FABP6: variants seen among roughly 807,000 people sequenced by gnomAD.
FABP6 encodes the protein fatty acid binding protein 6, also known as gastrotropin.
FABP6 carries 13 observed loss-of-function variants against 14.9 expected under a neutral mutation model. That is an observed-to-expected ratio of 0.87 (90% confidence interval 0.57 to 1.39). The LOEUF (loss-of-function observed/expected upper bound fraction) is 1.39, where lower values mean the gene tolerates loss of function less well. FABP6 is among the 40% of genes most tolerant of loss of function. The pLI is 0.00. For missense variants in FABP6, 161 were observed against 167.2 expected, an observed-to-expected ratio of 0.96 and a Z score of 0.20; for synonymous variants, 75 against 63.6, an observed-to-expected ratio of 1.18 and a Z score of -0.85.
rs139662175 is a variant in FABP6 at position 160,237,430 on chromosome 5, C to T, written c.334-1176C>T. Among the ~76,000 whole-genome samples the T allele has an allele frequency of 8.1e-3, 1,233 of 152,200 alleles. 11 individuals carry two copies. The highest frequency in any genetic ancestry group is 0.012 in the Non-Finnish European group (814 of 68,018). ...ACATAAACAAAGTTGCATGACTAGGCCCCGAGAGGAGCTGTCTTGATTGCA... is the reference window on the plus strand; with the variant it reads ...ACATAAACAAAGTTGCATGACTAGGTCCCGAGAGGAGCTGTCTTGATTGCA... On this transcript the variant is annotated intron_variant, in intron 3 of 3. Coordinates refer to ENST00000402432, the MANE Select transcript of FABP6 (RefSeq NM_001445.3).
At chr5:160,229,076 T>G (rs757335567), upstream of FABP6, among the ~76,000 whole-genome samples, 1 of 152,204 alleles carries the variant, frequency 6.6e-6, no homozygotes, top group Non-Finnish European at 1.5e-5. Context: ...TCTGCAGGTG[T>G]GTGCTTGTCT....
chr5:160,208,575 G>A (rs1759818349), intron 2 of FABP6, among the ~76,000 whole-genome samples: 1 of 152,168 alleles, frequency 6.6e-6, no homozygotes, highest in South Asian at 2.1e-4. Context: ...CCTCATTAAT[G>A]AATTAATCCA....
intron 2 of FABP6, among the ~76,000 whole-genome samples, chr5:160,207,107 A>C (rs1322209642): frequency 6.6e-6 from 1 of 152,270 alleles, no homozygotes; most frequent in East Asian, 1.9e-4. Context: ...GCAAAGGCAA[A>C]GAAATGCAAA....
chr5:160,235,488 CTGGAGG>C (rs1760489153), intron 3 of FABP6, among the ~76,000 whole-genome samples: 1 of 152,256 alleles, frequency 6.6e-6, no homozygotes, highest in Non-Finnish European at 1.5e-5. Context: ...TCCTCCTACA[CTGGAGG>C]TGGTGCCCTG....
chr5:160,203,397 C>A (rs1759688659), intron 2 of FABP6, among the ~76,000 whole-genome samples: 1 of 152,182 alleles, frequency 6.6e-6, no homozygotes. Context: ...TGGCCTATTT[C>A]TAAGTTCAGT....
At chr5:160,215,592 G>A (rs1401245739) in intron 3 of FABP6, among the ~76,000 whole-genome samples, 1 of 151,788 alleles carries the variant, frequency 6.6e-6, no homozygotes, top group Non-Finnish European at 1.5e-5. Context: ...GGAGACTGAG[G>A]CAGAAGGATT....
chr5:160,202,726 C>T (rs960613157), intron 2 of FABP6, among the ~76,000 whole-genome samples: 3 of 150,468 alleles, frequency 2.0e-5, no homozygotes, highest in Non-Finnish European at 4.4e-5. Flanking sequence ...ATGGCATGAA[C>T]CTGGGAGGTA....
chr5:160,203,282 A>G (rs949352955), intron 2 of FABP6, among the ~76,000 whole-genome samples: 2 of 152,224 alleles, frequency 1.3e-5, no homozygotes, highest in Middle Eastern at 3.2e-3. Context: ...TTTCAAAGTT[A>G]CATTCCTTGT....
chr5:160,211,928 T>C (rs2113103807), intron 2 of FABP6, among the ~76,000 whole-genome samples: 1 of 151,150 alleles, frequency 6.6e-6, no homozygotes, highest in African/African-American at 2.4e-5. Context: ...GCTGCTTATA[T>C]CTCAGATAGA....
At position 160,236,984 on chromosome 5, in the gene FABP6, AAAT is replaced by A. The variant is rs1379715979; in HGVS notation, c.334-1609_334-1607del. Among the ~76,000 whole-genome samples, 9 of 152,216 alleles carry A rather than the reference AAAT, an allele frequency of 5.9e-5. No individual in the cohort carries two copies. The South Asian group carries it at 1.5e-3, about 25-fold the overall frequency. ...CAAGAGCAAAACTCTGTCTCAAAAAAAATAATAATAATAATCTAAAAACTAATA... is the reference window on the plus strand; with the variant it reads ...CAAGAGCAAAACTCTGTCTCAAAAAAAATAATAATAATCTAAAAACTAATA... On this transcript the variant is annotated intron_variant, in intron 3 of 3. Coordinates refer to ENST00000402432, the MANE Select transcript of FABP6 (RefSeq NM_001445.3).
At chr5:160,205,970 TTTTC>T (rs1488277834) in intron 2 of FABP6, among the ~76,000 whole-genome samples, 1 of 152,160 alleles carries the variant, frequency 6.6e-6, no homozygotes, top group Non-Finnish European at 1.5e-5. Context: ...TTTTCTTTTC[TTTTC>T]TTTCTTTTCT....
chr5:160,230,172 C>T (rs570333518), intron 1 of FABP6, among the ~76,000 whole-genome samples: 2 of 151,662 alleles, frequency 1.3e-5, no homozygotes, highest in Non-Finnish European at 2.9e-5. Context: ...CGTGAGCTGC[C>T]GCACCCAGCA....
intron 1 of FABP6, among the ~76,000 whole-genome samples, chr5:160,195,406 G>A (rs1185308247): frequency 6.6e-6 from 1 of 151,694 alleles, no homozygotes; most frequent in Non-Finnish European, 1.5e-5. Flanking sequence ...TGCTGGACTG[G>A]CCACTGCCTC....
At chr5:160,209,351 AC>A (rs1322311570) in intron 2 of FABP6, among the ~76,000 whole-genome samples, 1 of 151,988 alleles carries the variant, frequency 6.6e-6, no homozygotes, top group African/African-American at 2.4e-5. Context: ...ATCTCTCTCC[AC>A]AAAAAAATAA....
chr5:160,213,307 C>T (rs1288915398), intron 2 of FABP6, among the ~76,000 whole-genome samples: 2 of 152,198 alleles, frequency 1.3e-5, no homozygotes, highest in East Asian at 3.9e-4. Flanking sequence ...GAGGTGGGCT[C>T]AGCCTCTGCA....
intron 2 of FABP6, chr5:160,213,701 G>T: frequency 6.3e-7 from 1 of 1,594,786 alleles, no homozygotes; most frequent in Non-Finnish European, 8.6e-7. Context: ...CTTGACTCAG[G>T]ATAGGCCAAT....
intron 3 of FABP6, among the ~76,000 whole-genome samples, chr5:160,219,652 C>A (rs1760090654): frequency 6.7e-6 from 1 of 149,036 alleles, no homozygotes; most frequent in Non-Finnish European, 1.5e-5. Context: ...TCCCATCCTG[C>A]CTTGGACACT....
At chr5:160,200,070 G>A (rs1759603673) in intron 2 of FABP6, among the ~76,000 whole-genome samples, 1 of 152,226 alleles carries the variant, frequency 6.6e-6, no homozygotes, top group South Asian at 2.1e-4. Flanking sequence ...GGCTCCAGCA[G>A]TGAAACTAGT....
chr5:160,228,698 C>T (rs142958755), upstream of FABP6: 50 of 366,478 alleles, frequency 1.4e-4, no homozygotes, highest in African/African-American at 9.1e-4. Context: ...TCCAGGTGCG[C>T]TGCCTAGGCC....
Sources: gnomAD v4.1 joint callset for allele counts (sites outside exome capture counted in the v4.1 genomes callset) on GRCh38, gnomAD v4.1.1 for gene constraint, MANE v1.5 for transcripts, NCBI Gene and HGNC (gene_info 2026-07-23, HGNC 2026-07-21) for gene names.